GNAO1: variants seen among roughly 807,000 people sequenced by gnomAD.
The protein encoded by GNAO1 is guanine nucleotide-binding protein G(o) subunit alpha.
For synonymous variants in GNAO1, 164 were observed against 180.7 expected (o/e 0.91, Z 0.74); for missense variants, 166 against 478.7 (o/e 0.35, Z 6.10).
intron 2 of GNAO1, among the ~76,000 whole-genome samples, chr16:56,196,269 G>A (rs2036232200): frequency 1.3e-5 from 2 of 152,194 alleles, no homozygotes; most frequent in South Asian, 4.1e-4. Context: ...CATACCATGT[G>A]TGAGTAATCA....
chr16:56,199,827 T>C (rs1275211705), intron 2 of GNAO1, among the ~76,000 whole-genome samples: 1 of 152,198 alleles, frequency 6.6e-6, no homozygotes, highest in Non-Finnish European at 1.5e-5. Context: ...TCTAATTTTC[T>C]TTACAGAGAA....
chr16:56,240,030 G>A (rs1257367185), intron 2 of GNAO1, among the ~76,000 whole-genome samples: 1 of 152,228 alleles, frequency 6.6e-6, no homozygotes, highest in Admixed American at 6.5e-5. Context: ...TGGGGCCACA[G>A]GAGTTGATTG....
intron 3 of GNAO1, among the ~76,000 whole-genome samples, chr16:56,305,131 A>G (rs1373606931): frequency 6.6e-6 from 1 of 152,114 alleles, no homozygotes; most frequent in Non-Finnish European, 1.5e-5. Flanking sequence ...CCCCACTTTC[A>G]GCTCACCCCG....
intron 2 of GNAO1, among the ~76,000 whole-genome samples, chr16:56,252,522 C>T (rs1004225694): frequency 1.3e-5 from 2 of 152,328 alleles, no homozygotes; most frequent in South Asian, 2.1e-4. Context: ...CTTGAGCAAG[C>T]GAGTTGATCT....
intron 4 of GNAO1, among the ~76,000 whole-genome samples, chr16:56,334,101 G>A (rs2037717418): frequency 6.6e-6 from 1 of 152,342 alleles, no homozygotes; most frequent in African/African-American, 2.4e-5. Context: ...CCAAAGACCG[G>A]GTCCCAGGGA....
chr16:56,222,044 T>C (rs10521336), intron 2 of GNAO1, among the ~76,000 whole-genome samples: 21,594 of 152,182 alleles, frequency 0.14, 2,065 homozygotes, highest in African/African-American at 0.27. Flanking sequence ...ACAGAAGTTT[T>C]GCAATGGAGT....
chr16:56,192,711 T>C (rs1181857259), intron 2 of GNAO1, 95 bp downstream of exon 2: 8 of 745,880 alleles, frequency 1.1e-5, no homozygotes, highest in Non-Finnish European at 1.7e-5. Context: ...TCTCCAGGCC[T>C]GTTTTTTAAT....
intron 4 of GNAO1, among the ~76,000 whole-genome samples, chr16:56,333,758 G>A (rs575572460): frequency 3.3e-5 from 5 of 152,368 alleles, no homozygotes; most frequent in Non-Finnish European, 5.9e-5. Context: ...AGCAGGTCCT[G>A]GAGCAGATGC....
At chr16:56,195,529 G>A (rs1278460465) in intron 2 of GNAO1, among the ~76,000 whole-genome samples, 1 of 152,204 alleles carries the variant, frequency 6.6e-6, no homozygotes, top group Non-Finnish European at 1.5e-5. Context: ...GGCCAGGCCC[G>A]AAAATCTAGG....
intron 3 of GNAO1, among the ~76,000 whole-genome samples, chr16:56,289,562 A>G (rs2037210058): frequency 6.6e-6 from 1 of 152,328 alleles, no homozygotes; most frequent in Non-Finnish European, 1.5e-5. Flanking sequence ...GAGCGGCCCC[A>G]TGCAAAGCTG....
intron 2 of GNAO1, among the ~76,000 whole-genome samples, chr16:56,194,805 T>C (rs2036216877): frequency 6.6e-6 from 1 of 152,248 alleles, no homozygotes; most frequent in East Asian, 1.9e-4. Flanking sequence ...TTTAAAAATA[T>C]ATACTGAATC....
intron 2 of GNAO1, among the ~76,000 whole-genome samples, chr16:56,265,753 T>TG (rs750172367): frequency 1.8e-4 from 28 of 152,146 alleles, no homozygotes; most frequent in Admixed American, 8.5e-4. Flanking sequence ...GAACCACTGG[T>TG]GGGAGGCAAG....
intron 2 of GNAO1, among the ~76,000 whole-genome samples, chr16:56,219,587 T>A (rs1259562141): frequency 1.3e-5 from 2 of 152,136 alleles, no homozygotes; most frequent in Non-Finnish European, 2.9e-5. Context: ...CTGCCCCTTC[T>A]CCCAGAAAAA....
chr16:56,239,444 A>C (rs1189974576), intron 2 of GNAO1, among the ~76,000 whole-genome samples: 6 of 152,184 alleles, frequency 3.9e-5, no homozygotes, highest in African/African-American at 1.4e-4. Context: ...GACTTCCTGC[A>C]GTTGGAAAAA....
intron 3 of GNAO1, among the ~76,000 whole-genome samples, chr16:56,289,723 C>T (rs2143556106): frequency 6.6e-6 from 1 of 152,260 alleles, no homozygotes; most frequent in South Asian, 2.1e-4. Context: ...CTTTGGGCAG[C>T]TGGCTGACAG....
intron 2 of GNAO1, among the ~76,000 whole-genome samples, chr16:56,243,271 C>T (rs758851598): frequency 1.1e-4 from 16 of 152,264 alleles, no homozygotes; most frequent in Non-Finnish European, 2.2e-4. Context: ...TGAAACCACT[C>T]CATCCCCCAC....
rs1252320518 is a variant in GNAO1, at chr16:56,314,562, A to G, written c.304-14069A>G. On this transcript the variant is annotated intron_variant, in intron 3 of 8. Coordinates refer to ENST00000262493, the MANE Select transcript of GNAO1 (RefSeq NM_020988.3). Reference sequence around the variant, plus strand: ...AGTCGTAATTTTTACTTCTTCACCAACGACATTCTTCAGTCCAGCCAGCAT... The same window carrying G: ...AGTCGTAATTTTTACTTCTTCACCAGCGACATTCTTCAGTCCAGCCAGCAT... 4.6e-5 allele frequency among the ~76,000 whole-genome samples: 7 copies of G among 152,174 alleles called. No individual in the cohort carries two copies. The East Asian group carries it at 7.7e-4, about 17-fold the overall frequency.
At chr16:56,214,428 C>G (rs776586204) in intron 2 of GNAO1, among the ~76,000 whole-genome samples, 12 of 152,126 alleles carry the variant, frequency 7.9e-5, no homozygotes, top group Non-Finnish European at 1.6e-4. Context: ...CAGGTTTCCC[C>G]AAGTGTAGCC....
At chr16:56,343,701 G>A (rs377645222) in intron 6 of GNAO1, 54 of 1,369,884 alleles carry the variant, frequency 3.9e-5, no homozygotes, top group South Asian at 2.9e-4. Context: ...GGCTGGGGTC[G>A]TCCATGCCAA....
Sources: gnomAD v4.1 joint callset for allele counts (sites outside exome capture counted in the v4.1 genomes callset) on GRCh38, gnomAD v4.1.1 for gene constraint, MANE v1.5 for transcripts, NCBI Gene and HGNC (gene_info 2026-07-23, HGNC 2026-07-21) for gene names.